Variants in GON4L observed in about 807,000 individuals in gnomAD.
GON4L encodes the protein GON-4-like protein.
GON4L carries 87 observed loss-of-function variants against 211.8 expected under a neutral mutation model. That is an observed-to-expected ratio of 0.41 (90% CI 0.35 to 0.49). The LOEUF (loss-of-function observed/expected upper bound fraction) is 0.49. GON4L is among the 20% of genes least tolerant of loss of function. The pLI is 0.15. For synonymous variants in GON4L, 875 were observed against 962.6 expected (o/e 0.91, Z 1.68); for missense variants, 2,155 against 2,659.5 (o/e 0.81, Z 4.17).
At chr1:155,795,801 C>A (rs181473312) in intron 11 of GON4L, among the ~76,000 whole-genome samples, 1 of 152,096 alleles carries the variant, frequency 6.6e-6, no homozygotes, top group Non-Finnish European at 1.5e-5. Context: ...CCATGCCCAA[C>A]TAATTTTTGT....
chr1:155,854,001 G>A (rs890089335), intron 1 of GON4L, among the ~76,000 whole-genome samples, 195 bp from the exon 2 acceptor site: 1 of 152,170 alleles, frequency 6.6e-6, no homozygotes, highest in African/African-American at 2.4e-5. Context: ...GATTACTACT[G>A]ATGGACTACT....
In GON4L at chr1:155,766,203, A is replaced by G. The variant is rs376860668; in HGVS notation, c.3270T>C (p.Thr1090=). ...RTSFPLSESQ[T]LLSSAPVPKV... ...TGGGCACAGGGGCAGAAGAGAGCAA[A>G]GTCTGGGACTCAGACAGAGGGAAGC... is the stretch of plus-strand genomic sequence containing the variant. Residue 1090 remains threonine (T), a synonymous_variant, in exon 21 of 32, where the codon ACT becomes ACC. Transcript: ENST00000368331. The G allele has an allele frequency of 3.7e-6, 6 of 1,614,004 alleles. No homozygotes were observed. In the African/African-American group the frequency reaches 8.0e-5, roughly 22 times the overall value.
At chr1:155,768,322 AAAG>A (rs1662777257) in intron 19 of GON4L, among the ~76,000 whole-genome samples, 1 of 150,276 alleles carries the variant, frequency 6.7e-6, no homozygotes, top group Non-Finnish European at 1.5e-5. Context: ...AAAAAAAAAA[AAAG>A]AATAGGCCAG....
At chr1:155,830,962 C>T (rs184560512) in intron 2 of GON4L, among the ~76,000 whole-genome samples, 1 of 152,196 alleles carries the variant, frequency 6.6e-6, no homozygotes, top group East Asian at 1.9e-4. Flanking sequence ...TTTTGAAGGG[C>T]AATACTTGCT....
rs755312476 is a variant in GON4L at position 155,850,324 on chromosome 1, A to G, written c.505+2952T>C. Among the ~76,000 whole-genome samples, 5 of 152,228 alleles carry G rather than the reference A, an allele frequency of 3.3e-5. No individual in the cohort carries two copies. In the East Asian group the frequency reaches 9.6e-4, roughly 29 times the overall value. On this transcript the variant is annotated intron_variant, in intron 2 of 31. Transcript: ENST00000368331. Reference sequence around the variant, plus strand: ...TAGAAGATTAGCAGTGAAACAATATATAATACACATACAAAAAAAACCGCT... The same window carrying G: ...TAGAAGATTAGCAGTGAAACAATATGTAATACACATACAAAAAAAACCGCT...
In GON4L at chr1:155,766,583, C is replaced by A. The variant is rs773368222; in HGVS notation, c.2890G>T (p.Gly964Trp). ...AGCAGTGGGTACCGAGATTCACTCC[C>A]CAACTCCAAATTGTCTTTTTCTAGG... is the stretch of plus-strand genomic sequence containing the variant. ...RSLEKDNLEL[G>W]SESRYPLLLP... The change falls in exon 21 of 32, where the codon GGG (glycine) becomes TGG (tryptophan). Residue 964 changes from glycine (G) to tryptophan (W), a missense_variant. Gly to Trp is a radical substitution (Grantham distance 184). Around this residue, in one of 6 missense-constraint regions of GON4L, gnomAD observed 615 missense variants for 625.7 expected, o/e 0.98. Transcript: ENST00000368331. The A allele has an allele frequency of 1.2e-6, 2 of 1,614,118 alleles. No individual in the cohort carries two copies. The highest frequency in any genetic ancestry group is 3.3e-5 in the Admixed American group (2 of 60,004).
intron 21 of GON4L, 81 bp downstream of exon 21, chr1:155,764,919 G>A: frequency 6.2e-6 from 10 of 1,610,408 alleles, no homozygotes; most frequent in Non-Finnish European, 8.5e-6. Flanking sequence ...CCATAGTGCA[G>A]CAAGCAAGCA....
chr1:155,748,085 G>A (rs1307563633), downstream of GON4L: 1 of 1,608,970 alleles, frequency 6.2e-7, no homozygotes, highest in Non-Finnish European at 8.5e-7. Flanking sequence ...GCCTGGGCCT[G>A]CGACCTGAGC....
At chr1:155,819,310 G>A (rs924275892) in intron 6 of GON4L, among the ~76,000 whole-genome samples, 9 of 151,450 alleles carry the variant, frequency 5.9e-5, no homozygotes, top group African/African-American at 1.5e-4. Context: ...AAATAAAAAG[G>A]GGGGGAGAAA....
At chr1:155,747,926 G>C (rs1267106754), downstream of GON4L, 1 of 1,557,500 alleles carries the variant, frequency 6.4e-7, no homozygotes, top group Non-Finnish European at 8.7e-7. Flanking sequence ...GTAAACATTC[G>C]AATCCCATTG....
At position 155,822,320 on chromosome 1, in the gene GON4L, T is replaced by C. The variant is rs777056826; in HGVS notation, c.854A>G (p.Asn285Ser). The C allele has an allele frequency of 1.9e-6, 3 of 1,614,166 alleles. No homozygotes were observed. The highest frequency in any genetic ancestry group is 2.2e-5 in the East Asian group (1 of 44,888). Residue 285 changes from asparagine (N) to serine (S), a missense_variant, in exon 4 of 32, where the codon AAT (asparagine) becomes AGT (serine). Physicochemically the swap from Asn to Ser is conservative, Grantham distance 46. Coordinates refer to ENST00000368331, the MANE Select transcript of GON4L (RefSeq NM_001282860.2). Reference sequence around the variant, plus strand: ...GTTTCGGACATTGACTGCTGTTAGATTGTGCTGCTTGGCACCATCCTCCAA... The same window carrying C: ...GTTTCGGACATTGACTGCTGTTAGACTGTGCTGCTTGGCACCATCCTCCAA... ...RTLEDGAKQH[N>S]LTAVNVRNIL...
chr1:155,754,569 G>GC, intron 27 of GON4L, 81 bp from the exon 28 acceptor site: 2 of 853,764 alleles, frequency 2.3e-6, no homozygotes, highest in Non-Finnish European at 3.6e-6. Flanking sequence ...TCGCTCTGTG[G>GC]CCCAGGCTGG....
intron 17 of GON4L, among the ~76,000 whole-genome samples, chr1:155,774,002 C>G (rs1663493127): frequency 6.6e-6 from 1 of 152,164 alleles, no homozygotes; most frequent in African/African-American, 2.4e-5. Flanking sequence ...CTATTTTCAA[C>G]TTAACGATAA....
At position 155,826,771 on chromosome 1, in the gene GON4L, C is replaced by T. The variant is rs571284282; in HGVS notation, c.697+66G>A. ...AATTCAGGATATCTTAGGACATGTG[C>T]AGTTTTCTACATATTATACTTCAAT... On this transcript the variant is annotated intron_variant, in intron 3 of 31. Coordinates refer to ENST00000368331, the MANE Select transcript of GON4L (RefSeq NM_001282860.2). The T allele has an allele frequency of 8.2e-5, 85 of 1,030,664 alleles. 1 individual carries two copies. In the Middle Eastern group the frequency reaches 9.2e-4, roughly 11 times the overall value. The allele number at this position is 1,030,664 out of a possible 1,614,324, so 63.8% of individuals were successfully genotyped here.
intron 3 of GON4L, among the ~76,000 whole-genome samples, chr1:155,825,625 G>T (rs1048407910): frequency 6.6e-6 from 1 of 151,670 alleles, no homozygotes; most frequent in Non-Finnish European, 1.5e-5. Context: ...TGCCAGGCAC[G>T]GTGGCTCACA....
intron 12 of GON4L, among the ~76,000 whole-genome samples, chr1:155,787,961 A>G (rs930916018): frequency 3.3e-5 from 5 of 152,096 alleles, no homozygotes; most frequent in African/African-American, 1.2e-4. Context: ...AAACAAAAAC[A>G]AAAACAAAAT....
chr1:155,787,947 C>T (rs1403869358), intron 12 of GON4L, among the ~76,000 whole-genome samples: 1 of 152,040 alleles, frequency 6.6e-6, no homozygotes, highest in African/African-American at 2.4e-5. Context: ...CTGTCTCAAA[C>T]ACAAAACAAA....
intron 2 of GON4L, chr1:155,846,448 G>A (rs1175821648): frequency 4.0e-5 from 6 of 149,692 alleles, no homozygotes; most frequent in Non-Finnish European, 7.4e-5. Context: ...GCGTGAACCC[G>A]GGAGGCGGAG....
At chr1:155,848,533 C>T (rs1378444486) in intron 2 of GON4L, among the ~76,000 whole-genome samples, 1 of 152,228 alleles carries the variant, frequency 6.6e-6, no homozygotes, top group East Asian at 1.9e-4. Context: ...CCCACACAAA[C>T]ACAGCATTTC....
Sources: allele counts gnomAD v4.1 joint callset (sites outside exome capture counted in the v4.1 genomes callset), GRCh38; gene constraint gnomAD v4.1.1; regional missense constraint gnomAD v4.1.1; transcripts MANE v1.5; gene names NCBI Gene and HGNC (gene_info 2026-07-23, HGNC 2026-07-21).